The following TYW1 variants were observed in gnomAD, a reference collection of about 807,000 sequenced individuals.
TYW1 encodes the protein tRNA-yW synthesizing protein 1 homolog.
In TYW1, 46 loss-of-function variants were observed where a neutral mutation model predicts 96.2. The ratio of observed to expected loss-of-function variants is 0.48; its 90% CI spans 0.38 to 0.61. The LOEUF (loss-of-function observed/expected upper bound fraction) is 0.61. TYW1 is among the 20% of genes least tolerant of loss of function. The probability of loss-of-function intolerance (pLI) is 0.00; values close to 1 mark genes in which losing one functional copy is unlikely to be tolerated. For missense variants in TYW1, 684 were observed against 909.6 expected (o/e 0.75, Z 3.19); for synonymous variants, 274 against 323.0 (o/e 0.85, Z 1.63).
chr7:67,178,135 G>A (rs1341099929), intron 13 of TYW1, among the ~76,000 whole-genome samples: 7 of 151,550 alleles, frequency 4.6e-5, no homozygotes, highest in Non-Finnish European at 8.8e-5. Context: ...CTGCACTCCA[G>A]CCTGAGTGGT....
intron 11 of TYW1, among the ~76,000 whole-genome samples, chr7:67,094,569 A>T (rs1045706177): frequency 6.6e-6 from 1 of 151,922 alleles, no homozygotes; most frequent in Admixed American, 6.6e-5. Flanking sequence ...GCAAATGATT[A>T]TTAGTAATGC....
rs539276763 is a variant in TYW1 at position 67,097,882 on chromosome 7, G to T, written c.1385-659G>T. ...TATTTTTTTTTTTTTTTAATTTTTAGTAGTGGCAAGGTCTCACTATATTGC... is the reference window on the plus strand; with the variant it reads ...TATTTTTTTTTTTTTTTAATTTTTATTAGTGGCAAGGTCTCACTATATTGC... On this transcript the variant is annotated intron_variant, in intron 11 of 15. Transcript: ENST00000359626. Among the ~76,000 whole-genome samples, 61 of 148,428 alleles carry T rather than the reference G, an allele frequency of 4.1e-4. 1 individual carries two copies. The South Asian group carries it at 0.011, about 27-fold the overall frequency.
At chr7:67,096,880 T>C (rs1796938002) in intron 11 of TYW1, among the ~76,000 whole-genome samples, 1 of 152,222 alleles carries the variant, frequency 6.6e-6, no homozygotes. Flanking sequence ...ACAGCATATC[T>C]TGTAATGCCT....
chr7:67,076,945 T>A (rs1383155470), intron 10 of TYW1, among the ~76,000 whole-genome samples: 1 of 152,060 alleles, frequency 6.6e-6, no homozygotes, highest in African/African-American at 2.4e-5. Context: ...GCTAATTTTT[T>A]ATATTTTTAG....
At chr7:67,079,525 A>T (rs1796316521) in intron 10 of TYW1, among the ~76,000 whole-genome samples, 1 of 145,266 alleles carries the variant, frequency 6.9e-6, no homozygotes, top group East Asian at 2.0e-4. Flanking sequence ...TGGTTTGTCG[A>T]TGTTTATCTT....
intron 8 of TYW1, among the ~76,000 whole-genome samples, chr7:67,055,038 A>C (rs1795464185): frequency 6.6e-6 from 1 of 152,170 alleles, no homozygotes; most frequent in Admixed American, 6.5e-5. Flanking sequence ...CTTCTTTCAA[A>C]GATTACTGAT....
At chr7:67,156,995 C>T (rs1034287179) in intron 13 of TYW1, among the ~76,000 whole-genome samples, 1 of 152,056 alleles carries the variant, frequency 6.6e-6, no homozygotes, top group Non-Finnish European at 1.5e-5. Flanking sequence ...GTGTCTTAGA[C>T]ATTCTCAGTC....
At chr7:67,126,679 T>G (rs1409248106) in intron 13 of TYW1, among the ~76,000 whole-genome samples, 1 of 152,212 alleles carries the variant, frequency 6.6e-6, no homozygotes, top group South Asian at 2.1e-4. Flanking sequence ...TTTTTTTGCA[T>G]GTGGATTTCT....
At chr7:67,152,141 G>A (rs970780183) in intron 13 of TYW1, among the ~76,000 whole-genome samples, 2 of 152,034 alleles carry the variant, frequency 1.3e-5, no homozygotes, top group African/African-American at 4.8e-5. Context: ...ATTGTCTGTG[G>A]TGCTTTCCTG....
intron 8 of TYW1, among the ~76,000 whole-genome samples, chr7:67,052,611 T>A (rs1009408632): frequency 1.3e-5 from 2 of 152,202 alleles, no homozygotes; most frequent in Non-Finnish European, 2.9e-5. Context: ...TGGATCAGCT[T>A]TGGTTGATGG....
intron 13 of TYW1, among the ~76,000 whole-genome samples, chr7:67,147,111 C>G (rs1306260754): frequency 6.6e-6 from 1 of 152,112 alleles, no homozygotes; most frequent in African/African-American, 2.4e-5. Context: ...CAGAGTCAGC[C>G]CTCTGTATCC....
chr7:67,028,238 C>CA lies in TYW1; in HGVS notation c.984+3234dup, dbSNP rs58455978. On this transcript the variant is annotated intron_variant, in intron 7 of 15. Transcript: ENST00000359626. ...TGGGCAACAGAGCAAGACTCTGTCT[C>CA]AAAAAAAAAAAAAAAAAAGGCAGAC... 6.3e-3 allele frequency among the ~76,000 whole-genome samples: 662 copies of CA among 105,408 alleles called. 3 individuals are homozygous for CA. Among genetic ancestry groups the CA allele is most frequent in the African/African-American group, 7.6e-3 (212 of 27,798 alleles). 69.2% of individuals were successfully genotyped at this position (105,408 alleles called of 152,430 possible). A position where few individuals can be genotyped will look rare whatever the true frequency, so the allele number is the denominator to read the frequency against.
At chr7:67,026,479 T>C (rs1242102087) in intron 7 of TYW1, among the ~76,000 whole-genome samples, 1 of 152,106 alleles carries the variant, frequency 6.6e-6, no homozygotes, top group East Asian at 1.9e-4. Flanking sequence ...AAGACATTCC[T>C]TGTTTTAGGT....
chr7:67,239,397 G>A lies in TYW1; in HGVS notation c.*868G>A, dbSNP rs187354204. 103 of 984,522 alleles carry A rather than the reference G, an allele frequency of 1.0e-4. No homozygotes were observed. In the African/African-American group the frequency reaches 1.7e-3, roughly 16 times the overall value. 61.0% of individuals were successfully genotyped at this position (984,522 alleles called of 1,614,324 possible). A position where few individuals can be genotyped will look rare whatever the true frequency, so the allele number is the denominator to read the frequency against. ...TGCTTTACACAATCTGTTCTATAAGGTTCAGGTGTTTTCAAGTTGGAAAGA... is the reference window on the plus strand; with the variant it reads ...TGCTTTACACAATCTGTTCTATAAGATTCAGGTGTTTTCAAGTTGGAAAGA... On this transcript the variant is annotated 3_prime_UTR_variant, in exon 16 of 16. Coordinates refer to ENST00000359626, the MANE Select transcript of TYW1 (RefSeq NM_018264.4).
intron 13 of TYW1, among the ~76,000 whole-genome samples, chr7:67,131,213 C>T (rs1245350909): frequency 2.0e-5 from 3 of 151,976 alleles, no homozygotes; most frequent in Non-Finnish European, 4.4e-5. Context: ...CTTTTCTCAC[C>T]TGTGAAATGG....
intron 13 of TYW1, among the ~76,000 whole-genome samples, chr7:67,124,145 T>C (rs1179207546): frequency 6.6e-6 from 1 of 152,250 alleles, no homozygotes; most frequent in Non-Finnish European, 1.5e-5. Context: ...GGTAAACAGT[T>C]ACTATACTGC....
intron 10 of TYW1, 96 bp downstream of exon 10, chr7:67,067,499 T>C: frequency 3.0e-6 from 4 of 1,355,006 alleles, no homozygotes; most frequent in Non-Finnish European, 4.1e-6. Flanking sequence ...AGAGCTCTGC[T>C]GTCTTGGTGA....
At chr7:67,012,881 A>G (rs1271302750) in intron 4 of TYW1, among the ~76,000 whole-genome samples, 1 of 151,592 alleles carries the variant, frequency 6.6e-6, no homozygotes, top group Non-Finnish European at 1.5e-5. Flanking sequence ...ATCATTATGT[A>G]TATGCAGATT....
chr7:67,004,122 G>A (rs1269056122), intron 3 of TYW1, among the ~76,000 whole-genome samples: 1 of 152,216 alleles, frequency 6.6e-6, no homozygotes, highest in African/African-American at 2.4e-5. Context: ...TTATTGTCAG[G>A]GATATTTTAA....
Sources: allele counts gnomAD v4.1 joint callset (sites outside exome capture counted in the v4.1 genomes callset), GRCh38; gene constraint gnomAD v4.1.1; transcripts MANE v1.5; gene names NCBI Gene and HGNC (gene_info 2026-07-23, HGNC 2026-07-21).